Variants in DLGAP1 observed in about 807,000 individuals in gnomAD.
DLGAP1 encodes the protein DLG associated protein 1.
Under a neutral mutation model 90.8 loss-of-function variants are expected in DLGAP1, and 11 were observed. The ratio of observed to expected loss-of-function variants is 0.12; its 90% CI spans 0.08 to 0.20. DLGAP1 has a LOEUF of 0.20. Among genes scored for constraint, DLGAP1 ranks in the 10% least tolerant of loss-of-function variants. The pLI is 1.00. For missense variants in DLGAP1, 1,050 were observed against 1,333.8 expected (o/e 0.79, Z 3.31); for synonymous variants, 558 against 540.7 (o/e 1.03, Z -0.44).
At chr18:4,071,838 C>T (rs2075451662) in intron 2 of DLGAP1, among the ~76,000 whole-genome samples, 1 of 152,176 alleles carries the variant, frequency 6.6e-6, no homozygotes, top group African/African-American at 2.4e-5. Flanking sequence ...TTCATCATTA[C>T]AGAGAGAATT....
intron 1 of DLGAP1, among the ~76,000 whole-genome samples, chr18:4,331,962 C>T (rs2080962512): frequency 6.6e-6 from 1 of 151,774 alleles, no homozygotes; most frequent in Admixed American, 6.6e-5. Flanking sequence ...GATATTTGGT[C>T]CTTGCTCTCA....
intron 1 of DLGAP1, among the ~76,000 whole-genome samples, chr18:4,235,519 T>C (rs916203058): frequency 6.6e-6 from 1 of 152,154 alleles, no homozygotes; most frequent in Non-Finnish European, 1.5e-5. Context: ...TGCTGTTTTT[T>C]TAATTCCTAG....
chr18:3,655,268 C>T (rs1473854542), intron 7 of DLGAP1, among the ~76,000 whole-genome samples: 1 of 152,034 alleles, frequency 6.6e-6, no homozygotes, highest in Non-Finnish European at 1.5e-5. Context: ...AGAACACACA[C>T]CCCCCCAAAA....
At chr18:4,305,899 C>CTTG (rs2080240399) in intron 1 of DLGAP1, among the ~76,000 whole-genome samples, 1 of 43,176 alleles carries the variant, frequency 2.3e-5, no homozygotes, top group Non-Finnish European at 2.1e-4. Flanking sequence ...CAAAATTTGG[C>CTTG]ATGATTATTA....
At chr18:3,617,787 C>T (rs535677820) in intron 7 of DLGAP1, among the ~76,000 whole-genome samples, 8 of 152,128 alleles carry the variant, frequency 5.3e-5, no homozygotes, top group African/African-American at 1.9e-4. Context: ...GTAATCCCAG[C>T]ACTTTGGGAG....
intron 2 of DLGAP1, among the ~76,000 whole-genome samples, chr18:4,080,756 T>C (rs954408878): frequency 6.6e-6 from 1 of 152,204 alleles, no homozygotes; most frequent in Non-Finnish European, 1.5e-5. Flanking sequence ...TTTACTACTA[T>C]AGGCTGTTTT....
rs572155660 is a variant in DLGAP1, at chr18:4,021,762, CTAATTTTTG to C, written c.-158-16570_-158-16562del. Among the ~76,000 whole-genome samples the C allele has an allele frequency of 2.3e-4, 35 of 152,150 alleles. No homozygotes were observed. The South Asian group carries it at 7.1e-3, about 31-fold the overall frequency. On this transcript the variant is annotated intron_variant, in intron 2 of 12. Coordinates refer to ENST00000315677, the MANE Select transcript of DLGAP1 (RefSeq NM_004746.4). ...TGCAGGTATGGGCCACCATGCCAGGCTAATTTTTGTATTTTTAGTAGAGATAGGGATTCC... is the reference window on the plus strand; with the variant it reads ...TGCAGGTATGGGCCACCATGCCAGGCTATTTTTAGTAGAGATAGGGATTCC...
chr18:4,382,328 T>G (rs957872225), intron 1 of DLGAP1, among the ~76,000 whole-genome samples: 1 of 152,186 alleles, frequency 6.6e-6, no homozygotes, highest in African/African-American at 2.4e-5. Flanking sequence ...TTTCAAAATA[T>G]TAAGTACTCA....
intron 4 of DLGAP1, chr18:3,845,340 T>C (rs1568229918): frequency 3.8e-6 from 6 of 1,576,808 alleles, no homozygotes; most frequent in South Asian, 3.5e-5. Flanking sequence ...CTTCTCTCTA[T>C]GATTTGCCGA....
At position 3,534,364 on chromosome 18, in the gene DLGAP1, T is replaced by C; in HGVS notation, c.2309A>G (p.Asp770Gly). 1 of 1,613,990 alleles carries C rather than the reference T, an allele frequency of 6.2e-7. No individual in the cohort carries two copies. Among genetic ancestry groups the C allele is most frequent in the East Asian group, 2.2e-5 (1 of 44,870 alleles). ...TTCAGTGATAGAGTCAATCCAGGGG[T>C]CCGGAGGAGGCAGAATAGAGGGGTC... Reference protein sequence around the residue: ...DFDPSILPPPDPWIDSITEDP... With the variant: ...DFDPSILPPPGPWIDSITEDP... The change falls in exon 10 of 13, where the codon GAC becomes GGC. Residue 770 changes from aspartate (D) to glycine (G), a missense_variant. Transcript: ENST00000315677.
chr18:3,607,514 C>T (rs776808115), intron 7 of DLGAP1: 1 of 152,130 alleles, frequency 6.6e-6, no homozygotes, highest in Non-Finnish European at 1.5e-5. Flanking sequence ...AAAAGGAATA[C>T]TAAAAATCTA....
At chr18:4,265,103 T>TTTCC (rs150589333) in intron 1 of DLGAP1, among the ~76,000 whole-genome samples, 2,876 of 139,676 alleles carry the variant, frequency 0.021, 72 homozygotes, top group African/African-American at 0.056. Context: ...TAATGTAATT[T>TTTCC]TTCCTTCCTT....
At chr18:4,187,953 G>T (rs1165380365) in intron 1 of DLGAP1, among the ~76,000 whole-genome samples, 1 of 152,086 alleles carries the variant, frequency 6.6e-6, no homozygotes, top group Non-Finnish European at 1.5e-5. Context: ...AGCAGAGATC[G>T]TGCCACTGCA....
intron 3 of DLGAP1, among the ~76,000 whole-genome samples, chr18:4,001,157 G>T (rs948250409): frequency 6.6e-6 from 1 of 151,444 alleles, no homozygotes; most frequent in Non-Finnish European, 1.5e-5. Flanking sequence ...TTTCTGCAGT[G>T]TTCATTCACT....
intron 5 of DLGAP1, among the ~76,000 whole-genome samples, chr18:3,787,254 C>G (rs62083259): frequency 0.11 from 17,067 of 151,814 alleles, 1,430 homozygotes; most frequent in East Asian, 0.38. Context: ...GAGGCCGAGG[C>G]GGGCGGATCA....
intron 1 of DLGAP1, among the ~76,000 whole-genome samples, chr18:4,394,046 G>A (rs1183992530): frequency 1.3e-5 from 2 of 152,130 alleles, no homozygotes; most frequent in African/African-American, 4.8e-5. Context: ...GGGGATCCCT[G>A]CTCTAGAACA....
rs566481427 is a variant in DLGAP1 at position 4,277,033 on chromosome 18, T to C, written c.-266-125746A>G. Reference sequence around the variant, plus strand: ...CCATAAATAAATTTGTGTAGTAACTTAGCTCATGCTGATTTTTAAAAAGAA... The same window carrying C: ...CCATAAATAAATTTGTGTAGTAACTCAGCTCATGCTGATTTTTAAAAAGAA... On this transcript the variant is annotated intron_variant, in intron 1 of 12. Transcript: ENST00000315677. Among the ~76,000 whole-genome samples the C allele has an allele frequency of 2.0e-5, 3 of 152,362 alleles. No individual in the cohort carries two copies. The South Asian group carries it at 6.2e-4, about 32-fold the overall frequency.
chr18:4,444,152 C>G (rs965169361), intron 1 of DLGAP1, among the ~76,000 whole-genome samples: 1 of 152,184 alleles, frequency 6.6e-6, no homozygotes, highest in African/African-American at 2.4e-5. Context: ...TAACTTAGAG[C>G]CCACTGTGAC....
chr18:4,216,050 G>A (rs933778256), intron 1 of DLGAP1, among the ~76,000 whole-genome samples: 2 of 152,042 alleles, frequency 1.3e-5, no homozygotes, highest in Non-Finnish European at 2.9e-5. Context: ...AGACATACCC[G>A]AGACTGGGTA....
Sources: allele counts gnomAD v4.1 joint callset (sites outside exome capture counted in the v4.1 genomes callset), GRCh38; gene constraint gnomAD v4.1.1; transcripts MANE v1.5; gene names NCBI Gene and HGNC (gene_info 2026-07-23, HGNC 2026-07-21).